The following SESTD1 variants were observed in gnomAD, a reference collection of about 807,000 sequenced individuals.
SESTD1 encodes the protein SEC14 domain and spectrin repeat-containing protein 1.
Under a neutral mutation model 101.7 loss-of-function variants are expected in SESTD1, and 43 were observed. The ratio of observed to expected loss-of-function variants is 0.42; its 90% CI spans 0.33 to 0.55. The LOEUF is 0.55. SESTD1 is among the 20% of genes least tolerant of loss of function. The pLI is 0.07. For missense variants in SESTD1, 647 were observed against 815.1 expected (o/e 0.79, Z 2.51); for synonymous variants, 283 against 286.8 (o/e 0.99, Z 0.13).
At position 179,196,995 on chromosome 2, in the gene SESTD1, C is replaced by T. The variant is rs534779669; in HGVS notation, c.-25-5129G>A. ...TGAGCTGAGAGAAGAAGGCTTCAGA[C>T]GATCAAATTTCTCTGTACCTACGGG... On this transcript the variant is annotated intron_variant, in intron 1 of 17. Transcript: ENST00000428443. Among the ~76,000 whole-genome samples, 18 of 152,144 alleles carry T rather than the reference C, an allele frequency of 1.2e-4. No homozygotes were observed. The East Asian group carries it at 1.7e-3, about 15-fold the overall frequency.
rs61703699 is a variant in SESTD1 at position 179,138,870 on chromosome 2, CAAAAAAAAAAAAAA to C, written c.849+4708_849+4721del. Reference sequence around the variant, plus strand: ...TGGGTAATAGACTGAAACCCTGTCTCAAAAAAAAAAAAAAAAAAAAAAAAAAAAAATCCTTCCAC... The same window carrying C: ...TGGGTAATAGACTGAAACCCTGTCTCAAAAAAAAAAAAAAAATCCTTCCAC... On this transcript the variant is annotated intron_variant, in intron 9 of 17. Transcript: ENST00000428443. Among the ~76,000 whole-genome samples, 15 of 65,540 alleles carry C rather than the reference CAAAAAAAAAAAAAA, an allele frequency of 2.3e-4. No homozygotes were observed. In the East Asian group the frequency reaches 8.5e-3, roughly 37 times the overall value. 43.0% of individuals were successfully genotyped at this position (65,540 alleles called of 152,430 possible). A position where few individuals can be genotyped will look rare whatever the true frequency, so the allele number is the denominator to read the frequency against.
intron 1 of SESTD1, among the ~76,000 whole-genome samples, chr2:179,221,339 G>A (rs1455140330): frequency 6.6e-6 from 1 of 151,510 alleles, no homozygotes; most frequent in Non-Finnish European, 1.5e-5. Context: ...GGGGCTGGGT[G>A]CAGTGGCTCA....
intron 2 of SESTD1, among the ~76,000 whole-genome samples, chr2:179,185,844 G>GC (rs1420360461): frequency 1.0e-4 from 13 of 127,568 alleles, no homozygotes; most frequent in African/African-American, 3.9e-4. Flanking sequence ...ATATAATATA[G>GC]CATGTACAAT....
intron 2 of SESTD1, among the ~76,000 whole-genome samples, chr2:179,187,470 T>C (rs369553546): frequency 6.6e-6 from 1 of 151,954 alleles, no homozygotes; most frequent in Non-Finnish European, 1.5e-5. Flanking sequence ...TACAAAAAAA[T>C]TAAAAATGAG....
At chr2:179,224,483 T>C (rs977612970) in intron 1 of SESTD1, among the ~76,000 whole-genome samples, 3 of 152,242 alleles carry the variant, frequency 2.0e-5, no homozygotes, top group African/African-American at 7.2e-5. Context: ...ACAAAGCTCA[T>C]ACAACTCTTG....
chr2:179,198,482 C>A (rs1299624204), intron 1 of SESTD1, among the ~76,000 whole-genome samples: 1 of 152,116 alleles, frequency 6.6e-6, no homozygotes, highest in African/African-American at 2.4e-5. Flanking sequence ...AACTCTCCAC[C>A]CCAAATCAAC....
intron 1 of SESTD1, among the ~76,000 whole-genome samples, chr2:179,197,416 C>T (rs1424804955): frequency 6.6e-6 from 1 of 152,194 alleles, no homozygotes; most frequent in Non-Finnish European, 1.5e-5. Flanking sequence ...CTTCCCCAAT[C>T]TAGCAAGGCA....
Position 179,175,890 on chromosome 2 carries a change from A to T in SESTD1, c.255+558T>A, listed in dbSNP as rs1362687448. ...GTTTGTAATCGTAGATGTTTATTAA[A>T]TGTTAATTTGTGAGGGGCTGAAATT... On this transcript the variant is annotated intron_variant, in intron 4 of 17. Coordinates refer to ENST00000428443, the MANE Select transcript of SESTD1 (RefSeq NM_178123.5). 3.3e-5 allele frequency among the ~76,000 whole-genome samples: 5 copies of T among 152,200 alleles called. No homozygotes were observed. In the East Asian group the frequency reaches 9.6e-4, roughly 29 times the overall value.
chr2:179,214,260 G>A (rs2046688957), intron 1 of SESTD1, among the ~76,000 whole-genome samples: 1 of 134,074 alleles, frequency 7.5e-6, no homozygotes, highest in Non-Finnish European at 1.6e-5. Flanking sequence ...GGCACACATA[G>A]GCTCAAAATA....
intron 1 of SESTD1, among the ~76,000 whole-genome samples, chr2:179,258,347 A>T (rs114072913): frequency 6.6e-6 from 1 of 152,210 alleles, no homozygotes; most frequent in African/African-American, 2.4e-5. Context: ...ACCTCTCAAA[A>T]GCATTTTGTT....
At chr2:179,252,139 G>A (rs2047326732) in intron 1 of SESTD1, among the ~76,000 whole-genome samples, 1 of 152,198 alleles carries the variant, frequency 6.6e-6, no homozygotes, top group South Asian at 2.1e-4. Context: ...TAGCTCAAAT[G>A]ACATTTTAAC....
chr2:179,123,213 A>C (rs1329609383), intron 12 of SESTD1, among the ~76,000 whole-genome samples: 1 of 152,120 alleles, frequency 6.6e-6, no homozygotes, highest in Non-Finnish European at 1.5e-5. Flanking sequence ...ATGTAACTGG[A>C]CCCCTTAATG....
intron 1 of SESTD1, among the ~76,000 whole-genome samples, chr2:179,260,487 G>A (rs2047467383): frequency 6.6e-6 from 1 of 152,096 alleles, no homozygotes; most frequent in Non-Finnish European, 1.5e-5. Flanking sequence ...CTGCACTTCA[G>A]CCTGGGCCAC....
At chr2:179,136,848 A>G (rs1240472581) in intron 9 of SESTD1, among the ~76,000 whole-genome samples, 1 of 152,158 alleles carries the variant, frequency 6.6e-6, no homozygotes, top group African/African-American at 2.4e-5. Flanking sequence ...TAAAGCAAAG[A>G]TATCTCTTTG....
chr2:179,246,968 A>T (rs1372927439), intron 1 of SESTD1, among the ~76,000 whole-genome samples: 1 of 152,162 alleles, frequency 6.6e-6, no homozygotes, highest in African/African-American at 2.4e-5. Flanking sequence ...TTATTCTCCC[A>T]TTATATATAT....
At chr2:179,182,533 T>C (rs958388528) in intron 3 of SESTD1, among the ~76,000 whole-genome samples, 1 of 152,162 alleles carries the variant, frequency 6.6e-6, no homozygotes, top group African/African-American at 2.4e-5. Context: ...AAGCTTTATT[T>C]TTTTTTGTTG....
At chr2:179,186,613 T>G (rs1323743550) in intron 2 of SESTD1, among the ~76,000 whole-genome samples, 2 of 152,094 alleles carry the variant, frequency 1.3e-5, no homozygotes, top group African/African-American at 4.8e-5. Flanking sequence ...CATCATGACA[T>G]CTACCTTGTA....
intron 1 of SESTD1, among the ~76,000 whole-genome samples, chr2:179,255,049 C>T (rs924822433): frequency 6.6e-6 from 1 of 152,100 alleles, no homozygotes; most frequent in African/African-American, 2.4e-5. Context: ...TATAAGATGG[C>T]GAACTTAATC....
intron 1 of SESTD1, among the ~76,000 whole-genome samples, chr2:179,258,481 A>G (rs1165821422): frequency 6.6e-6 from 1 of 152,238 alleles, no homozygotes; most frequent in Non-Finnish European, 1.5e-5. Context: ...CAATATTACT[A>G]TCTTTCAAGA....
Sources: allele counts gnomAD v4.1 joint callset (sites outside exome capture counted in the v4.1 genomes callset), GRCh38; gene constraint gnomAD v4.1.1; transcripts MANE v1.5; gene names NCBI Gene and HGNC (gene_info 2026-07-23, HGNC 2026-07-21).